The following SLC19A1 variants were observed in gnomAD, a reference collection of about 807,000 sequenced individuals.
SLC19A1 encodes the protein solute carrier family 19 member 1.
Under a neutral mutation model 35.3 loss-of-function variants are expected in SLC19A1, and 37 were observed. The observed-to-expected ratio is 1.05, with a 90% CI of 0.81 to 1.38. The LOEUF is 1.38. Ranked by LOEUF, SLC19A1 falls within the 40% of genes most tolerant of loss-of-function variation. SLC19A1 has a pLI of 0.00. For synonymous variants in SLC19A1, 460 were observed against 398.5 expected (o/e 1.15, Z -1.84); for missense variants, 831 against 826.9 (o/e 1.00, Z -0.06).
intron 2 of SLC19A1, 101 bp downstream of exon 2, chr21:45,537,670 G>A: frequency 1.8e-6 from 2 of 1,107,196 alleles, no homozygotes; most frequent in South Asian, 3.6e-5. Context: ...CCCACCCACT[G>A]GCGGCCGCCC....
chr21:45,560,437 C>T (rs532301524), intron 1 of SLC19A1, among the ~76,000 whole-genome samples: 1 of 148,582 alleles, frequency 6.7e-6, no homozygotes, highest in Admixed American at 6.7e-5. Flanking sequence ...CTGGCACCCC[C>T]GCTAGGGTGC....
chr21:45,519,241 G>A (rs899976296), intron 5 of SLC19A1, among the ~76,000 whole-genome samples: 1 of 152,044 alleles, frequency 6.6e-6, no homozygotes, highest in South Asian at 2.1e-4. Context: ...GGATGTACAA[G>A]TAACCCACTG....
At chr21:45,524,800 T>C (rs2077549833) in intron 5 of SLC19A1, among the ~76,000 whole-genome samples, 1 of 132,628 alleles carries the variant, frequency 7.5e-6, no homozygotes, top group Admixed American at 7.4e-5. Context: ...CGCCTGGGCC[T>C]TGGAGGCTCA....
At position 45,504,478 on chromosome 21, in the gene SLC19A1, C is replaced by T. The variant is rs564134000; in HGVS notation, c.498-5866G>A. On this transcript the variant is annotated intron_variant, in intron 3 of 4. Coordinates refer to the SLC19A1 transcript ENST00000417954. ...GCGAAAGGGGGGAGCCCGGGGGCGGCGGTTTCTTCGGCTCCAGCCTGCCCG... is the reference window on the plus strand; with the variant it reads ...GCGAAAGGGGGGAGCCCGGGGGCGGTGGTTTCTTCGGCTCCAGCCTGCCCG... 2.3e-4 allele frequency: 372 copies of T among 1,603,322 alleles called. 2 individuals carry two copies. The African/African-American group carries it at 2.9e-3, about 12-fold the overall frequency.
intron 1 of SLC19A1, among the ~76,000 whole-genome samples, chr21:45,552,460 G>C (rs748768918): frequency 9.2e-5 from 14 of 152,182 alleles, no homozygotes; most frequent in Non-Finnish European, 1.3e-4. Flanking sequence ...CCCCTGGGGA[G>C]AGCGACACCC....
chr21:45,504,271 T>A, intron 3 of SLC19A1: 1 of 903,130 alleles, frequency 1.1e-6, no homozygotes, highest in East Asian at 2.6e-5. Context: ...AGGTGGGGAG[T>A]CGAGCCCTAT....
downstream of SLC19A1, among the ~76,000 whole-genome samples, chr21:45,508,446 G>GGTGGATGGATGGTGGGTAAGTGT (rs1450215920): frequency 6.7e-6 from 1 of 150,314 alleles, no homozygotes; most frequent in Non-Finnish European, 1.5e-5. Flanking sequence ...TGGGTAAGTG[G>GGTGGATGGATGGTGGGTAAGTGT]GTGAGTGGAT....
chr21:45,528,710 T>C (rs984690792), intron 4 of SLC19A1, among the ~76,000 whole-genome samples: 16 of 152,198 alleles, frequency 1.1e-4, no homozygotes, highest in Admixed American at 6.5e-4. Context: ...ATCTCAGTGT[T>C]TTCCTCGTGT....
At chr21:45,502,923 C>T (rs907143020) in intron 3 of SLC19A1, 10 of 152,092 alleles carry the variant, frequency 6.6e-5, no homozygotes, top group South Asian at 2.1e-4. Flanking sequence ...GTCAATGTAC[C>T]GAAGTCACCA....
At chr21:45,510,523 C>T (rs1028341383), downstream of SLC19A1, among the ~76,000 whole-genome samples, 10 of 152,302 alleles carry the variant, frequency 6.6e-5, no homozygotes, top group Non-Finnish European at 1.3e-4. Context: ...CCCCCGCTCC[C>T]CCGGCAGTGC....
intron 3 of SLC19A1, chr21:45,505,812 C>T (rs960684824): frequency 5.0e-6 from 8 of 1,588,376 alleles, no homozygotes; most frequent in South Asian, 1.1e-5. Flanking sequence ...CGCCAAGCCC[C>T]ACACCTCTGC....
At position 45,537,762 on chromosome 21, in the gene SLC19A1, C is replaced by T; in HGVS notation, c.189+9G>A. The T allele has an allele frequency of 7.0e-7, 1 of 1,436,352 alleles. No individual in the cohort carries two copies. The highest frequency in any genetic ancestry group is 1.5e-5 in the African/African-American group (1 of 68,290). The allele number at this position is 1,436,352 out of a possible 1,614,324, so 89.0% of individuals were successfully genotyped here. A position where few individuals can be genotyped will look rare whatever the true frequency, so the allele number is the denominator to read the frequency against. ...CAGGCGGCCGCCCGGCACCCCGGCA[C>T]CCACATGCCTGCTCCCGCGTGAAGT... On this transcript the variant is annotated intron_variant, in intron 2 of 5. Coordinates refer to ENST00000311124, the MANE Select transcript of SLC19A1 (RefSeq NM_194255.4).
Position 45,505,234 on chromosome 21 carries a change from C to G in SLC19A1, c.498-6622G>C, listed in dbSNP as rs957031729. ...GGGCGCCAGGGCCCTCCCGGCCCCC[C>G]AGGCCCCCCAGGGCCCCCTTCATTT... On this transcript the variant is annotated intron_variant, in intron 3 of 4. Coordinates refer to the SLC19A1 transcript ENST00000417954. 5 of 1,597,622 alleles carry G rather than the reference C, an allele frequency of 3.1e-6. No individual in the cohort carries two copies. In the African/African-American group the frequency reaches 5.4e-5, roughly 17 times the overall value.
At chr21:45,556,123 G>T (rs2078559187) in intron 1 of SLC19A1, among the ~76,000 whole-genome samples, 2 of 152,186 alleles carry the variant, frequency 1.3e-5, no homozygotes, top group African/African-American at 2.4e-5. Flanking sequence ...CCACCAGCAG[G>T]GTCCCCTCCT....
chr21:45,516,611 C>T (rs770202944), intron 5 of SLC19A1, among the ~76,000 whole-genome samples: 7 of 152,340 alleles, frequency 4.6e-5, no homozygotes, highest in South Asian at 2.1e-4. Context: ...ACATGGAGCC[C>T]GTCTCCATCT....
intron 5 of SLC19A1, among the ~76,000 whole-genome samples, chr21:45,519,256 C>G: frequency 6.6e-6 from 1 of 151,974 alleles, no homozygotes; most frequent in East Asian, 1.9e-4. Flanking sequence ...CCACTGGAAG[C>G]TGCAAAAAAT....
In SLC19A1 at chr21:45,505,373, G is replaced by T. The variant is rs1239540046; in HGVS notation, c.498-6761C>A. 1 of 1,594,500 alleles carries T rather than the reference G, an allele frequency of 6.3e-7. No individual in the cohort carries two copies. The highest frequency in any genetic ancestry group is 1.3e-5 in the African/African-American group (1 of 74,662). On this transcript the variant is annotated intron_variant, in intron 3 of 4. Transcript: ENST00000417954. ...TCTCCTGCAGCTATCAGCGTTCCCG[G>T]CCCTCCGGGCCCCCCTGGGCCCCCT...
chr21:45,558,813 C>T (rs77284626), intron 1 of SLC19A1, among the ~76,000 whole-genome samples: 2 of 144,074 alleles, frequency 1.4e-5, no homozygotes, highest in Non-Finnish European at 3.0e-5. Context: ...TTTCTTTTTT[C>T]TTTTTTTTTT....
intron 1 of SLC19A1, among the ~76,000 whole-genome samples, chr21:45,561,027 AG>A (rs1272622180): frequency 1.3e-5 from 2 of 152,266 alleles, no homozygotes; most frequent in Non-Finnish European, 2.9e-5. Flanking sequence ...CAAAGGAAGA[AG>A]GAAAGAACGA....
Sources: gnomAD v4.1 joint callset for allele counts (sites outside exome capture counted in the v4.1 genomes callset) on GRCh38, gnomAD v4.1.1 for gene constraint, MANE v1.5 for transcripts, NCBI Gene and HGNC (gene_info 2026-07-23, HGNC 2026-07-21) for gene names.